WWP1: variants seen among roughly 807,000 people sequenced by gnomAD.
WWP1 encodes NEDD4-like E3 ubiquitin-protein ligase WWP1.
In WWP1, 49 loss-of-function variants were observed where a neutral mutation model predicts 130.6. The observed-to-expected ratio is 0.38, with a 90% CI of 0.30 to 0.48. The LOEUF (loss-of-function observed/expected upper bound fraction) is 0.48. Ranked by LOEUF, WWP1 falls within the 20% of genes least tolerant of loss-of-function variation. The probability of loss-of-function intolerance (pLI) is 0.99; values close to 1 mark genes in which losing one functional copy is unlikely to be tolerated. For synonymous variants in WWP1, 332 were observed against 367.8 expected (o/e 0.90, Z 1.11); for missense variants, 809 against 1,100.6 (o/e 0.74, Z 3.75).
chr8:86,373,036 T>C (rs1398613243), intron 2 of WWP1, among the ~76,000 whole-genome samples: 2 of 151,302 alleles, frequency 1.3e-5, no homozygotes, highest in Non-Finnish European at 2.9e-5. Flanking sequence ...CACACATTTT[T>C]ATATGTGGTA....
At chr8:86,452,721 G>A in intron 21 of WWP1, 42 bp downstream of exon 21, 1 of 1,602,380 alleles carries the variant, frequency 6.2e-7, no homozygotes, top group Non-Finnish European at 8.5e-7. Context: ...ATGTTAGTGG[G>A]GGGAGGGACT....
chr8:86,429,978 C>T (rs934581544), intron 11 of WWP1, among the ~76,000 whole-genome samples: 3 of 152,048 alleles, frequency 2.0e-5, no homozygotes, highest in Non-Finnish European at 2.9e-5. Context: ...GCGGGTGGAT[C>T]GCTTGAGCCT....
chr8:86,402,294 T>A lies in WWP1; in HGVS notation c.724+91T>A, dbSNP rs969421433. The stretch of plus-strand genomic sequence containing the variant: ...TGCCTACACTTCCCTTTTTGTGTAG[T>A]CTTTTTTTTGAGACGGAGTCTCGCT... On this transcript the variant is annotated intron_variant, in intron 8 of 24. Coordinates refer to ENST00000517970, the MANE Select transcript of WWP1 (RefSeq NM_007013.4). 3 of 1,432,918 alleles carry A rather than the reference T, an allele frequency of 2.1e-6. No homozygotes were observed. The African/African-American group carries it at 4.3e-5, about 21-fold the overall frequency. The allele number at this position is 1,432,918 out of a possible 1,614,324, so 88.8% of individuals were successfully genotyped here.
intron 21 of WWP1, among the ~76,000 whole-genome samples, chr8:86,457,421 G>GTCTATCTA (rs1413295656): frequency 7.4e-6 from 1 of 135,052 alleles, no homozygotes; most frequent in African/African-American, 2.6e-5. Context: ...CTGTCTGTCT[G>GTCTATCTA]TCTGTCTGTC....
intron 9 of WWP1, among the ~76,000 whole-genome samples, chr8:86,423,881 C>T (rs560070979): frequency 0.019 from 2,360 of 126,272 alleles, 38 homozygotes; most frequent in Middle Eastern, 0.081. Flanking sequence ...CCGGACGGGG[C>T]GGCTGGCCGG....
At chr8:86,421,209 A>G (rs549484277) in intron 9 of WWP1, among the ~76,000 whole-genome samples, 1 of 152,292 alleles carries the variant, frequency 6.6e-6, no homozygotes. Context: ...ACTGAATATC[A>G]TGAGTGTTCC....
At chr8:86,456,774 T>TA (rs1410947741) in intron 21 of WWP1, among the ~76,000 whole-genome samples, 5 of 151,920 alleles carry the variant, frequency 3.3e-5, no homozygotes, top group African/African-American at 4.8e-5. Context: ...TGATAGAAAA[T>TA]ATGAACTACT....
chr8:86,379,194 C>T (rs1281353411), intron 3 of WWP1, among the ~76,000 whole-genome samples: 1 of 152,076 alleles, frequency 6.6e-6, no homozygotes, highest in Non-Finnish European at 1.5e-5. Flanking sequence ...TCTGGGCCTT[C>T]TATATTAGTC....
chr8:86,464,747 C>T (rs1051577447), intron 24 of WWP1, among the ~76,000 whole-genome samples: 3 of 152,056 alleles, frequency 2.0e-5, no homozygotes, highest in African/African-American at 7.2e-5. Context: ...AAACTCTGGG[C>T]TCAAGCTGTC....
At chr8:86,434,416 G>T (rs954779043) in intron 14 of WWP1, among the ~76,000 whole-genome samples, 1 of 151,922 alleles carries the variant, frequency 6.6e-6, no homozygotes, top group Admixed American at 6.6e-5. Flanking sequence ...CCTTTATTCC[G>T]TCTGCCTGGT....
At chr8:86,392,826 G>T (rs145460359) in intron 5 of WWP1, among the ~76,000 whole-genome samples, 1 of 152,284 alleles carries the variant, frequency 6.6e-6, no homozygotes, top group East Asian at 1.9e-4. Context: ...ATTCAATGAT[G>T]TAAGTGCCTC....
chr8:86,461,916 A>G (rs1811788515), intron 24 of WWP1, 70 bp downstream of exon 24: 9 of 1,317,182 alleles, frequency 6.8e-6, no homozygotes, highest in Non-Finnish European at 9.8e-6. Flanking sequence ...TTTTAAAAAT[A>G]TGTAAGATCC....
intron 5 of WWP1, among the ~76,000 whole-genome samples, chr8:86,396,255 T>C (rs1356024733): frequency 3.9e-5 from 6 of 152,052 alleles, no homozygotes; most frequent in Admixed American, 1.3e-4. Context: ...ACTGCCACCA[T>C]GCCCAGCTAA....
intron 21 of WWP1, among the ~76,000 whole-genome samples, chr8:86,454,730 A>G (rs967352022): frequency 2.0e-5 from 3 of 152,090 alleles, no homozygotes; most frequent in Non-Finnish European, 2.9e-5. Flanking sequence ...ATCAAGAAGC[A>G]TAAGAATAGG....
intron 5 of WWP1, among the ~76,000 whole-genome samples, chr8:86,396,386 A>G (rs931008607): frequency 1.2e-4 from 19 of 152,148 alleles, no homozygotes; most frequent in African/African-American, 4.3e-4. Context: ...GGCGTGAGCC[A>G]CTGCGCCTGG....
chr8:86,461,445 GAAGA>G (rs1811762021), intron 23 of WWP1, 125 bp downstream of exon 23: 1 of 839,762 alleles, frequency 1.2e-6, no homozygotes, highest in African/African-American at 1.7e-5. Context: ...GCTTCATTTA[GAAGA>G]AAGAAAAATG....
At chr8:86,424,031 G>A (rs1349449887) in intron 9 of WWP1, among the ~76,000 whole-genome samples, 2 of 142,304 alleles carry the variant, frequency 1.4e-5, no homozygotes, top group Admixed American at 6.9e-5. Flanking sequence ...GGGCGGAGAC[G>A]CTCCTCACTT....
intron 22 of WWP1, among the ~76,000 whole-genome samples, chr8:86,459,007 T>A (rs567554455): frequency 4.8e-5 from 7 of 146,890 alleles, no homozygotes; most frequent in Admixed American, 2.7e-4. Flanking sequence ...AGTCATTCTT[T>A]TTCTTTTTCT....
intron 1 of WWP1, among the ~76,000 whole-genome samples, chr8:86,350,689 C>T (rs1408707944): frequency 6.6e-6 from 1 of 152,124 alleles, no homozygotes; most frequent in Non-Finnish European, 1.5e-5. Flanking sequence ...CTAGCATTAA[C>T]AGAATGTAGG....
Sources: gnomAD v4.1 joint callset for allele counts (sites outside exome capture counted in the v4.1 genomes callset) on GRCh38, gnomAD v4.1.1 for gene constraint, MANE v1.5 for transcripts, NCBI Gene and HGNC (gene_info 2026-07-23, HGNC 2026-07-21) for gene names.